NUP85: variants seen among roughly 807,000 people sequenced by gnomAD.
NUP85 encodes the protein nuclear pore complex protein Nup85.
A neutral mutation model predicts 92.8 loss-of-function variants in NUP85; 23 were observed. The ratio of observed to expected loss-of-function variants is 0.25; its 90% CI spans 0.18 to 0.35. The LOEUF (loss-of-function observed/expected upper bound fraction) is 0.35. Ranked by LOEUF, NUP85 falls within the 10% of genes least tolerant of loss-of-function variation. The probability of loss-of-function intolerance (pLI) is 1.00; values close to 1 mark genes in which losing one functional copy is unlikely to be tolerated. For synonymous variants in NUP85, 314 were observed against 306.9 expected, an observed-to-expected ratio of 1.02 and a Z score of -0.24; for missense variants, 759 against 822.8, an observed-to-expected ratio of 0.92 and a Z score of 0.95.
At chr17:75,228,242 G>T in intron 11 of NUP85, 1 of 985,418 alleles carries the variant, frequency 1.0e-6, no homozygotes, top group South Asian at 4.7e-5. Context: ...GCTGTTTCCA[G>T]TGGCAGAAGA....
chr17:75,235,434 G>A (rs750906706), intron 18 of NUP85, 144 bp from the exon 19 acceptor site: 1 of 631,348 alleles, frequency 1.6e-6, no homozygotes, highest in Non-Finnish European at 2.8e-6. Flanking sequence ...TGGCCCTTTG[G>A]TATTGCTTTC....
rs2076283804 is a variant in NUP85, at chr17:75,235,186, T to C, written c.1854T>C (p.Asp618=). The change falls in exon 18 of 19, where the codon GAT becomes GAC. Residue 618 remains aspartate, a synonymous_variant. Coordinates refer to ENST00000245544, the MANE Select transcript of NUP85 (RefSeq NM_024844.5). The part of the protein sequence containing the change: ...TSRRPVHGES[D]TEQLQDDDIE... ...GAAGACCTGTGCATGGAGAATCTGATACCGAGCAGCTCCAGGTCATTTTCA... is the reference window on the plus strand; with the variant it reads ...GAAGACCTGTGCATGGAGAATCTGACACCGAGCAGCTCCAGGTCATTTTCA... 6.8e-6 allele frequency: 11 copies of C among 1,613,406 alleles called. No homozygotes were observed. The highest frequency in any genetic ancestry group is 8.5e-6 in the Non-Finnish European group (10 of 1,179,534).
At chr17:75,207,830 A>G (rs1033364739) in intron 1 of NUP85, among the ~76,000 whole-genome samples, 1 of 151,982 alleles carries the variant, frequency 6.6e-6, no homozygotes, top group African/African-American at 2.4e-5. Flanking sequence ...TCTACTAAAA[A>G]AATACAAAAA....
intron 5 of NUP85, among the ~76,000 whole-genome samples, chr17:75,215,479 G>A (rs997871537): frequency 9.9e-5 from 15 of 152,184 alleles, no homozygotes; most frequent in African/African-American, 3.1e-4. Flanking sequence ...CAAAGTGCTG[G>A]GATTACAGGA....
intron 7 of NUP85, among the ~76,000 whole-genome samples, chr17:75,222,233 C>T (rs1360229640): frequency 2.6e-5 from 4 of 151,988 alleles, no homozygotes; most frequent in East Asian, 1.9e-4. Context: ...GTAGTGGAGA[C>T]GGGGTTTTGC....
chr17:75,208,275 A>T lies in NUP85; in HGVS notation c.34-252A>T, dbSNP rs575825531. On this transcript the variant is annotated intron_variant, in intron 1 of 18. Coordinates refer to ENST00000245544, the MANE Select transcript of NUP85 (RefSeq NM_024844.5). The stretch of plus-strand genomic sequence containing the variant: ...ATATGGTGAAACTCTATCTCTACTA[A>T]AAATGAAAAAAAAAAAAAAAATAGC... The T allele has an allele frequency of 1.1e-3, 436 of 389,222 alleles. 2 individuals carry two copies. The highest frequency in any genetic ancestry group is 0.01 in the African/African-American group (392 of 39,034). The allele number at this position is 389,222 out of a possible 1,614,324, so 24.1% of individuals were successfully genotyped here.
chr17:75,233,064 C>A lies in NUP85; in HGVS notation c.1521C>A (p.Leu507=), dbSNP rs770800551. The A allele has an allele frequency of 6.2e-7, 1 of 1,614,150 alleles. No homozygotes were observed. Residue 507 remains leucine (L), a synonymous_variant, in exon 16 of 19, where the codon CTC becomes CTA. Transcript: ENST00000245544. ...TCTGGGCCGGGCCCTGCAGGTTCCT[C>A]AGGGATTACTGTGAGCGAGGCTGCT... ...AFATLVSDRF[L]RDYCERGCFS... is the part of the protein sequence containing the mutation.
In NUP85 at chr17:75,234,515, T is replaced by C. The variant is rs561535214; in HGVS notation, c.1616-122T>C. 1.0e-5 allele frequency: 9 copies of C among 902,542 alleles called. No individual in the cohort carries two copies. In the African/African-American group the frequency reaches 1.5e-4, roughly 15 times the overall value. The allele number at this position is 902,542 out of a possible 1,614,324, so 55.9% of individuals were successfully genotyped here. The stretch of plus-strand genomic sequence containing the variant: ...TTGGAGACAGAAAAAAATCTCCTGC[T>C]TTGTGGAGTGGCTGGTCTGAGGTTT... On this transcript the variant is annotated intron_variant, in intron 16 of 18. Coordinates refer to ENST00000245544, the MANE Select transcript of NUP85 (RefSeq NM_024844.5).
At chr17:75,210,812 C>T (rs192635845) in intron 3 of NUP85, among the ~76,000 whole-genome samples, 33 of 152,130 alleles carry the variant, frequency 2.2e-4, no homozygotes, top group African/African-American at 7.7e-4. Context: ...CGCCATTCTC[C>T]TGCCTCAGCC....
chr17:75,226,172 A>AC lies in NUP85; in HGVS notation c.1094+21dup. 5 of 1,603,322 alleles carry AC rather than the reference A, an allele frequency of 3.1e-6. No individual in the cohort carries two copies. Among genetic ancestry groups the AC allele is most frequent in the Non-Finnish European group, 4.3e-6 (5 of 1,171,048 alleles). Reference sequence around the variant, plus strand: ...AAAGAGTGCAGGTAGGATCTCTCCCACCCCCCACTGTAACCATTTTTAGGT... The same window carrying AC: ...AAAGAGTGCAGGTAGGATCTCTCCCACCCCCCCACTGTAACCATTTTTAGGT... On this transcript the variant is annotated intron_variant, in intron 11 of 18. Transcript: ENST00000245544.
Position 75,211,996 on chromosome 17 carries a change from G to A in NUP85, c.295G>A (p.Val99Ile). The change falls in exon 4 of 19, where the codon GTT becomes ATT. Residue 99 changes from valine to isoleucine, a missense_variant. Transcript: ENST00000245544. Reference protein sequence around the residue: ...LTGKSRKSQLVRVSKNYRSVI... With the variant: ...LTGKSRKSQLIRVSKNYRSVI... ...GTGTTATTTCATTTTTTGTAGATTG[G>A]TTCGAGTGAGTAAAAACTACCGATC... 1 of 1,612,422 alleles carries A rather than the reference G, an allele frequency of 6.2e-7. No homozygotes were observed. Among genetic ancestry groups the A allele is most frequent in the South Asian group, 1.1e-5 (1 of 90,852 alleles).
chr17:75,219,216 G>A (rs557394932), intron 7 of NUP85, among the ~76,000 whole-genome samples: 20 of 152,252 alleles, frequency 1.3e-4, no homozygotes, highest in Middle Eastern at 6.8e-3. Flanking sequence ...AATTCGGCCC[G>A]GCACGGTGGC....
At chr17:75,216,269 CTTTT>C (rs531716640) in intron 6 of NUP85, 2 of 148,202 alleles carry the variant, frequency 1.3e-5, no homozygotes, top group East Asian at 2.0e-4. Flanking sequence ...TTCTGTTGAT[CTTTT>C]TTTTTTTTTG....
intron 3 of NUP85, among the ~76,000 whole-genome samples, chr17:75,210,605 G>C (rs553085312): frequency 6.6e-6 from 1 of 152,294 alleles, no homozygotes; most frequent in African/African-American, 2.4e-5. Context: ...GGCAGTGTTG[G>C]TATGTTACTT....
rs760287609 is a variant in NUP85, at chr17:75,232,844, T to C, written c.1397-7T>C. 12 of 1,613,266 alleles carry C rather than the reference T, an allele frequency of 7.4e-6. No homozygotes were observed. In the South Asian group the frequency reaches 1.3e-4, roughly 18 times the overall value. ...AAGCCGTTTACCTTTTCTTTTCCCC[T>C]GCAAAGTTCGCAGCATTTGTAAGAT... is the stretch of plus-strand genomic sequence containing the variant. On this transcript the variant is annotated splice_polypyrimidine_tract_variant and splice_region_variant and intron_variant, in intron 14 of 18. Transcript: ENST00000245544.
chr17:75,234,597 G>C (rs550305037), intron 16 of NUP85, 40 bp from the exon 17 acceptor site: 1 of 1,606,078 alleles, frequency 6.2e-7, no homozygotes, highest in Admixed American at 1.7e-5. Flanking sequence ...GGCAATTTGG[G>C]GGAATATGCA....
chr17:75,221,038 C>T (rs1454253191), intron 7 of NUP85, among the ~76,000 whole-genome samples: 1 of 151,708 alleles, frequency 6.6e-6, no homozygotes, highest in Non-Finnish European at 1.5e-5. Context: ...CCTGCCACCA[C>T]GCCTGGCTAA....
intron 17 of NUP85, 95 bp from the exon 18 acceptor site, chr17:75,235,005 G>C: frequency 1.8e-6 from 2 of 1,094,088 alleles, no homozygotes; most frequent in Non-Finnish European, 2.8e-6. Flanking sequence ...TATTGCGAAG[G>C]GTATGAAAGG....
At chr17:75,206,273 A>G (rs1402976305) in intron 1 of NUP85, among the ~76,000 whole-genome samples, 2 of 152,142 alleles carry the variant, frequency 1.3e-5, no homozygotes. Context: ...CAGTATGTCA[A>G]CTGTGGATGA....
Sources: allele counts gnomAD v4.1 joint callset (sites outside exome capture counted in the v4.1 genomes callset), GRCh38; gene constraint gnomAD v4.1.1; transcripts MANE v1.5; gene names NCBI Gene and HGNC (gene_info 2026-07-23, HGNC 2026-07-21).